CPAMD8: variants seen among roughly 807,000 people sequenced by gnomAD.
CPAMD8 encodes C3 and PZP-like alpha-2-macroglobulin domain-containing protein 8.
Under a neutral mutation model 224.7 loss-of-function variants are expected in CPAMD8, and 146 were observed. The ratio of observed to expected loss-of-function variants is 0.65; its 90% CI spans 0.57 to 0.75. The LOEUF (loss-of-function observed/expected upper bound fraction) is 0.75, where lower values mean the gene tolerates loss of function less well. Among genes scored for constraint, CPAMD8 ranks in the 30% least tolerant of loss-of-function variants. CPAMD8 has a pLI of 0.00. For synonymous variants in CPAMD8, 966 were observed against 1,044.6 expected (o/e 0.92, Z 1.45); for missense variants, 2,301 against 2,537.5 (o/e 0.91, Z 2.00).
At chr19:16,912,912 A>T (rs2052783668) in intron 29 of CPAMD8, among the ~76,000 whole-genome samples, 1 of 152,222 alleles carries the variant, frequency 6.6e-6, no homozygotes, top group African/African-American at 2.4e-5. Context: ...TCTCAGTGGA[A>T]CACAGGAAAC....
chr19:17,009,747 C>T (rs1240403274), intron 5 of CPAMD8, among the ~76,000 whole-genome samples: 1 of 151,440 alleles, frequency 6.6e-6, no homozygotes, highest in Non-Finnish European at 1.5e-5. Context: ...GCACTCCAGC[C>T]TGGGTGACAC....
chr19:16,933,803 C>T (rs2053611304), intron 23 of CPAMD8, among the ~76,000 whole-genome samples: 1 of 152,192 alleles, frequency 6.6e-6, no homozygotes, highest in South Asian at 2.1e-4. Context: ...GTTAAACATA[C>T]ACGAACCATA....
Position 16,957,898 on chromosome 19 carries a change from C to T in CPAMD8, c.2231G>A (p.Arg744Lys), listed in dbSNP as rs754927959. ...AATCCATGTTTCGGGGAAGAAAGTC[C>T]TTTTTCTCTTCTCTGTTCTATGAAA... ...RHPPRTEKRK[R>K]TFFPETWIWH... The change falls in exon 19 of 42, where the codon AGG becomes AAG. Residue 744 changes from arginine (R) to lysine (K), a missense_variant. By Grantham distance (26) the Arg-to-Lys change is conservative. Transcript: ENST00000443236. 2 of 1,613,976 alleles carry T rather than the reference C, an allele frequency of 1.2e-6. No individual in the cohort carries two copies. The highest frequency in any genetic ancestry group is 1.1e-5 in the South Asian group (1 of 91,074).
chr19:16,996,556 C>T (rs144456862), intron 11 of CPAMD8, among the ~76,000 whole-genome samples: 20 of 152,166 alleles, frequency 1.3e-4, no homozygotes, highest in South Asian at 6.2e-4. Context: ...TGATGGCTCA[C>T]GCCTGTAACC....
intron 13 of CPAMD8, 134 bp downstream of exon 13, chr19:16,989,509 A>G: frequency 8.9e-7 from 1 of 1,124,380 alleles, no homozygotes; most frequent in Non-Finnish European, 1.3e-6. Flanking sequence ...CTGGTCTCGA[A>G]ATCCTAACCT....
At position 16,975,158 on chromosome 19, in the gene CPAMD8, C is replaced by CG. The variant is rs1202831855; in HGVS notation, c.2008dup (p.Arg670ProfsTer46). The stretch of plus-strand genomic sequence containing the variant: ...AGGCCACGGGAAGACAGAGGAGCGC[C>CG]GGCGTCGTTGTGCCGTCAGCCCAGC... On this transcript the variant is annotated frameshift_variant, in exon 17 of 42. Coordinates refer to ENST00000443236, the MANE Select transcript of CPAMD8 (RefSeq NM_015692.5). LOFTEE classifies it high-confidence loss of function. The CG allele has an allele frequency of 6.2e-7, 1 of 1,612,516 alleles. No homozygotes were observed. The highest frequency in any genetic ancestry group is 1.3e-5 in the African/African-American group (1 of 74,910).
At chr19:17,021,862 G>A (rs2056965828) in intron 2 of CPAMD8, among the ~76,000 whole-genome samples, 168 bp downstream of exon 2, 1 of 152,242 alleles carries the variant, frequency 6.6e-6, no homozygotes, top group African/African-American at 2.4e-5. Flanking sequence ...TCCATCTGTA[G>A]AATGAGGAGA....
chr19:16,898,289 C>T lies in CPAMD8; in HGVS notation c.4849-295G>A, dbSNP rs561013006. On this transcript the variant is annotated intron_variant, in intron 37 of 41. Transcript: ENST00000443236. The surrounding 1 kb of genome is among the most constrained non-coding windows in gnomAD (Gnocchi z 4.2). ...CCTCCCAAGTAGCTGGGATAACAGG[C>T]GCCCACCACCGCACCCTGCTAATTT... Among the ~76,000 whole-genome samples the T allele has an allele frequency of 1.3e-5, 2 of 151,452 alleles. No individual in the cohort carries two copies. Among genetic ancestry groups the T allele is most frequent in the Admixed American group, 6.6e-5 (1 of 15,210 alleles).
intron 25 of CPAMD8, 27 bp from the exon 26 acceptor site, chr19:16,925,399 T>C: frequency 6.3e-7 from 1 of 1,585,992 alleles, no homozygotes; most frequent in Non-Finnish European, 8.7e-7. Flanking sequence ...GAGAGTTGAG[T>C]TGGGGGCTGT....
chr19:16,957,273 C>A (rs2054502975), intron 19 of CPAMD8, among the ~76,000 whole-genome samples: 2 of 152,218 alleles, frequency 1.3e-5, no homozygotes, highest in Admixed American at 6.5e-5. Flanking sequence ...CTGGCCCGGG[C>A]TGGACCAAGA....
In CPAMD8 at chr19:16,913,822, A is replaced by G. The variant is rs578117577; in HGVS notation, c.3861+602T>C. Among the ~76,000 whole-genome samples, 5 of 152,218 alleles carry G rather than the reference A, an allele frequency of 3.3e-5. No individual in the cohort carries two copies. In the East Asian group the frequency reaches 9.7e-4, roughly 29 times the overall value. On this transcript the variant is annotated intron_variant, in intron 29 of 41. Transcript: ENST00000443236. ...GAAGTGCCCAAACTCATAATTTATC[A>G]TGAGAGATTGTAGAATTGATGTAGG...
chr19:16,929,902 G>A (rs1434477883), intron 23 of CPAMD8, among the ~76,000 whole-genome samples: 2 of 152,244 alleles, frequency 1.3e-5, no homozygotes, highest in East Asian at 3.9e-4. Context: ...AGCAATCCCA[G>A]TCAAAATCCC....
At chr19:16,981,357 T>A (rs1388339927) in intron 13 of CPAMD8, among the ~76,000 whole-genome samples, 2 of 150,410 alleles carry the variant, frequency 1.3e-5, no homozygotes, top group Non-Finnish European at 2.9e-5. Flanking sequence ...TGAGACCCTG[T>A]CTCCAAAAAA....
rs199728419 is a variant in CPAMD8 at position 16,929,078 on chromosome 19, C to G, written c.3008G>C (p.Gly1003Ala). Residue 1003 changes from glycine (G) to alanine (A), a missense_variant, in exon 24 of 42, where the codon GGG (glycine) becomes GCG (alanine). Around this residue, in one of 4 missense-constraint regions of CPAMD8, gnomAD observed 1,709 missense variants for 1,753.2 expected, o/e 0.97. Coordinates refer to ENST00000443236, the MANE Select transcript of CPAMD8 (RefSeq NM_015692.5). Reference sequence around the variant, plus strand: ...CCATGACCTGGTGTTCTGATGCCCCCCCAGGACGATCTCGATCATGCCTGC... The same window carrying G: ...CCATGACCTGGTGTTCTGATGCCCCGCCAGGACGATCTCGATCATGCCTGC... Reference protein sequence around the residue: ...DTAGMIEIVLGGHQNTRSWIS... With the variant: ...DTAGMIEIVLAGHQNTRSWIS... The G allele has an allele frequency of 1.1e-5, 18 of 1,614,074 alleles. No homozygotes were observed. Among genetic ancestry groups the G allele is most frequent in the Admixed American group, 6.7e-5 (4 of 60,012 alleles).
intron 13 of CPAMD8, among the ~76,000 whole-genome samples, 176 bp downstream of exon 13, chr19:16,989,467 A>G (rs1360841389): frequency 1.3e-5 from 2 of 152,106 alleles, no homozygotes; most frequent in African/African-American, 4.8e-5. Flanking sequence ...TTGTATTTTT[A>G]GTAGAGATGG....
rs745640684 is a variant in CPAMD8 at position 16,925,405 on chromosome 19, G to C, written c.3371-33C>G. On this transcript the variant is annotated intron_variant, in intron 25 of 41. Coordinates refer to ENST00000443236, the MANE Select transcript of CPAMD8 (RefSeq NM_015692.5). ...GAAGGAGAAGAGAGTTGAGTTGGGGGCTGTCCCAGTTCAGTAGAGAACAGG... is the reference window on the plus strand; with the variant it reads ...GAAGGAGAAGAGAGTTGAGTTGGGGCCTGTCCCAGTTCAGTAGAGAACAGG... 5.8e-6 allele frequency: 9 copies of C among 1,562,784 alleles called. No individual in the cohort carries two copies. The Admixed American group carries it at 1.5e-4, about 26-fold the overall frequency.
intron 13 of CPAMD8, among the ~76,000 whole-genome samples, chr19:16,986,176 C>T (rs1186893786): frequency 6.6e-6 from 1 of 152,120 alleles, no homozygotes; most frequent in African/African-American, 2.4e-5. Flanking sequence ...CCAGTTCCCC[C>T]CTGCCGGGGC....
At chr19:16,992,379 C>T (rs1241504793) in intron 12 of CPAMD8, among the ~76,000 whole-genome samples, 1 of 152,166 alleles carries the variant, frequency 6.6e-6, no homozygotes, top group Non-Finnish European at 1.5e-5. Context: ...GGCTTGAGTC[C>T]AGGAGTTTGA....
Position 16,927,298 on chromosome 19 carries a change from C to T in CPAMD8, c.3370+711G>A, listed in dbSNP as rs527928477. ...TACGAGATCTGATGGTTTTATAAGG[C>T]GAAAACCCCTTTCACTTGGCTCTCA... On this transcript the variant is annotated intron_variant, in intron 25 of 41. Transcript: ENST00000443236. Among the ~76,000 whole-genome samples the T allele has an allele frequency of 1.9e-3, 289 of 152,120 alleles. 1 individual carries two copies. Among genetic ancestry groups the T allele is most frequent in the African/African-American group, 6.7e-3 (276 of 41,482 alleles).
Sources: allele counts gnomAD v4.1 joint callset (sites outside exome capture counted in the v4.1 genomes callset), GRCh38; gene constraint gnomAD v4.1.1; regional missense constraint gnomAD v4.1.1; non-coding constraint Gnocchi (gnomAD v3.1); transcripts MANE v1.5; gene names NCBI Gene and HGNC (gene_info 2026-07-23, HGNC 2026-07-21).